SIGLEC6: variants seen among roughly 807,000 people sequenced by gnomAD.
The protein encoded by SIGLEC6 is sialic acid binding Ig like lectin 6.
In SIGLEC6, 31 loss-of-function variants were observed where a neutral mutation model predicts 41.4. The ratio of observed to expected loss-of-function variants is 0.75; its 90% CI spans 0.56 to 1.01. The LOEUF is 1.01. Among genes scored for constraint, SIGLEC6 ranks in the 50% least tolerant of loss-of-function variants. The pLI, the probability that SIGLEC6 is intolerant of heterozygous loss-of-function variation, is 0.00. For synonymous variants in SIGLEC6, 217 were observed against 231.0 expected (o/e 0.94, Z 0.55); for missense variants, 555 against 558.6 (o/e 0.99, Z 0.06).
rs767694090 is a variant in SIGLEC6 at position 51,520,141 on chromosome 19, G to C, written c.1303C>G (p.Gln435Glu). The C allele has an allele frequency of 3.7e-6, 6 of 1,603,784 alleles. No individual in the cohort carries two copies. Among genetic ancestry groups the C allele is most frequent in the Non-Finnish European group, 5.1e-6 (6 of 1,172,194 alleles). Reference protein sequence around the residue: ...HYAVLHFHKVQPQEPKVTDTE... With the variant: ...HYAVLHFHKVEPQEPKVTDTE... ...TCGGTGACCTTTGGTTCCTGAGGTT[G>C]CACCTTGTGGAAGTGTAGGACAGCG... The change falls in exon 8 of 8, where the codon CAA becomes GAA. Residue 435 changes from glutamine (Q) to glutamate (E), a missense_variant. By Grantham distance (29) the Gln-to-Glu change is conservative (BLOSUM62 2). Coordinates refer to ENST00000425629, the MANE Select transcript of SIGLEC6 (RefSeq NM_001245.7).
At chr19:51,527,642 C>A (rs769630126) in intron 7 of SIGLEC6, 105 bp downstream of exon 7, 3 of 872,940 alleles carry the variant, frequency 3.4e-6, no homozygotes, top group Non-Finnish European at 3.6e-6. Flanking sequence ...CATGTGGAAC[C>A]GCAGGGAATG....
intron 7 of SIGLEC6, among the ~76,000 whole-genome samples, chr19:51,521,175 G>A (rs996870745): frequency 2.6e-5 from 4 of 152,126 alleles, no homozygotes; most frequent in African/African-American, 9.7e-5. Flanking sequence ...TCTTTCTAAT[G>A]CCCCTGAAAA....
In SIGLEC6 at chr19:51,527,873, T is replaced by A. The variant is rs1271378329; in HGVS notation, c.1107-45A>T. ...CCTTTCAGCCTGGTTATTTGGAGCC[T>A]CTTTCCCCAAAAGAAAACCATCTCC... is the stretch of plus-strand genomic sequence containing the variant. On this transcript the variant is annotated intron_variant, in intron 6 of 7. Coordinates refer to ENST00000425629, the MANE Select transcript of SIGLEC6 (RefSeq NM_001245.7). 3 of 1,581,680 alleles carry A rather than the reference T, an allele frequency of 1.9e-6. No individual in the cohort carries two copies. The African/African-American group carries it at 4.1e-5, about 21-fold the overall frequency.
rs371192887 is a variant in SIGLEC6 at position 51,531,341 on chromosome 19, G to A, written c.246C>T (p.Asp82=). Reference sequence around the variant, plus strand: ...CCCGGGTCTCCTCCTGCACTTCTTCGTCTGGGTCGTTTGTGGCCACTGGAA... The same window carrying A: ...CCCGGGTCTCCTCCTGCACTTCTTCATCTGGGTCGTTTGTGGCCACTGGAA... ...ADVPVATNDP[D]EEVQEETRGR... Residue 82 remains aspartate, a synonymous_variant, in exon 2 of 8, where the codon GAC becomes GAT. Transcript: ENST00000425629. The A allele has an allele frequency of 1.2e-5, 20 of 1,613,996 alleles. No homozygotes were observed. Among genetic ancestry groups the A allele is most frequent in the East Asian group, 4.5e-5 (2 of 44,884 alleles).
Position 51,518,170 on chromosome 19 carries a change from C to T in SIGLEC6, c.*1912G>A, listed in dbSNP as rs1310464528. 6.6e-6 allele frequency among the ~76,000 whole-genome samples: 1 copy of T among 152,204 alleles called. No individual in the cohort carries two copies. Among genetic ancestry groups the T allele is most frequent in the East Asian group, 1.9e-4 (1 of 5,184 alleles). On this transcript the variant is annotated 3_prime_UTR_variant, in exon 8 of 8. Coordinates refer to ENST00000425629, the MANE Select transcript of SIGLEC6 (RefSeq NM_001245.7). ...CATATTTTGGTTTTCCTTAAAATAT[C>T]TATATTTCACTTTCAGTCTTAAAAT...
At chr19:51,524,180 T>G (rs1450848052) in intron 7 of SIGLEC6, among the ~76,000 whole-genome samples, 1 of 152,098 alleles carries the variant, frequency 6.6e-6, no homozygotes, top group Non-Finnish European at 1.5e-5. Context: ...AACACTCCAA[T>G]TAAAAGGAAG....
rs1990663485 is a variant in SIGLEC6, at chr19:51,518,154, G to A, written c.*1928C>T. ...TCTTTATTAACACTCACATATTTTG[G>A]TTTTCCTTAAAATATCTATATTTCA... On this transcript the variant is annotated 3_prime_UTR_variant, in exon 8 of 8. Coordinates refer to ENST00000425629, the MANE Select transcript of SIGLEC6 (RefSeq NM_001245.7). 6.6e-6 allele frequency among the ~76,000 whole-genome samples: 1 copy of A among 151,954 alleles called. No homozygotes were observed. The highest frequency in any genetic ancestry group is 6.6e-5 in the Admixed American group (1 of 15,246).
chr19:51,522,770 A>G (rs1978503146), intron 7 of SIGLEC6, among the ~76,000 whole-genome samples: 1 of 152,152 alleles, frequency 6.6e-6, no homozygotes, highest in African/African-American at 2.4e-5. Flanking sequence ...CACCCTGGGC[A>G]AAAGAGTGAA....
At chr19:51,527,949 T>G (rs961508603) in intron 6 of SIGLEC6, 121 bp from the exon 7 acceptor site, 6 of 1,051,880 alleles carry the variant, frequency 5.7e-6, no homozygotes, top group Non-Finnish European at 8.5e-6. Flanking sequence ...GGTGCTCACA[T>G]GAGCCCAAGA....
intron 7 of SIGLEC6, among the ~76,000 whole-genome samples, chr19:51,525,679 C>T (rs1020478114): frequency 6.6e-5 from 10 of 152,334 alleles, no homozygotes; most frequent in African/African-American, 2.4e-4. Flanking sequence ...ACCTCCAACA[C>T]ACTACAAGCA....
intron 7 of SIGLEC6, among the ~76,000 whole-genome samples, chr19:51,522,499 C>T (rs532128559): frequency 6.6e-6 from 1 of 152,212 alleles, no homozygotes; most frequent in African/African-American, 2.4e-5. Context: ...TATTCAAAGA[C>T]TTAGGCCAGG....
chr19:51,519,848 C>A lies in SIGLEC6; in HGVS notation c.*234G>T. ...ACACAAACACACTCAGAGGAAAGACCATGTGAAGACACAAGGAGGAGACAG... is the reference window on the plus strand; with the variant it reads ...ACACAAACACACTCAGAGGAAAGACAATGTGAAGACACAAGGAGGAGACAG... On this transcript the variant is annotated 3_prime_UTR_variant, in exon 8 of 8. Coordinates refer to ENST00000425629, the MANE Select transcript of SIGLEC6 (RefSeq NM_001245.7). The A allele has an allele frequency of 3.5e-6, 1 of 286,014 alleles. No individual in the cohort carries two copies. Among genetic ancestry groups the A allele is most frequent in the Non-Finnish European group, 6.5e-6 (1 of 153,348 alleles). The allele number at this position is 286,014 out of a possible 1,614,324, so 17.7% of individuals were successfully genotyped here. A position where few individuals can be genotyped will look rare whatever the true frequency, so the allele number is the denominator to read the frequency against.
rs1197005008 is a variant in SIGLEC6 at position 51,519,091 on chromosome 19, C to G, written c.*991G>C. Among the ~76,000 whole-genome samples the G allele has an allele frequency of 1.3e-5, 2 of 151,944 alleles. No individual in the cohort carries two copies. The highest frequency in any genetic ancestry group is 2.4e-5 in the African/African-American group (1 of 41,334). On this transcript the variant is annotated 3_prime_UTR_variant, in exon 8 of 8. Coordinates refer to ENST00000425629, the MANE Select transcript of SIGLEC6 (RefSeq NM_001245.7). Reference sequence around the variant, plus strand: ...AGGGCAGATCACGAGGTCAGGAGATCAAGACCATCCTGGCTAACACGGTGA... The same window carrying G: ...AGGGCAGATCACGAGGTCAGGAGATGAAGACCATCCTGGCTAACACGGTGA...
In SIGLEC6 at chr19:51,529,810, A is replaced by G; in HGVS notation, c.926T>C (p.Val309Ala). The change falls in exon 5 of 8, where the codon GTA (valine) becomes GCA (alanine). Residue 309 changes from valine to alanine, a missense_variant. Coordinates refer to ENST00000425629, the MANE Select transcript of SIGLEC6 (RefSeq NM_001245.7). ...SNTGVLELPQ[V>A]GSAEEGDFTC... ...GAAATCTCCTTCTTCTGCAGACCCT[A>G]CTTGAGGCAGCTCCAGGACCCCGGT... 2 of 1,614,064 alleles carry G rather than the reference A, an allele frequency of 1.2e-6. No homozygotes were observed. The highest frequency in any genetic ancestry group is 8.5e-7 in the Non-Finnish European group (1 of 1,180,004).
Position 51,520,271 on chromosome 19 carries a change from GA to G in SIGLEC6, c.1189-17del. The G allele has an allele frequency of 1.9e-6, 3 of 1,539,954 alleles. No individual in the cohort carries two copies. In the South Asian group the frequency reaches 3.7e-5, roughly 19 times the overall value. ...GCTGATGACCCTTAATGGAAGAAAA[GA>G]AAAGATTCAGGGCTGGACAATAGGT... On this transcript the variant is annotated splice_polypyrimidine_tract_variant and intron_variant, in intron 7 of 7. Coordinates refer to ENST00000425629, the MANE Select transcript of SIGLEC6 (RefSeq NM_001245.7).
At chr19:51,527,234 A>T (rs1437812759) in intron 7 of SIGLEC6, among the ~76,000 whole-genome samples, 1 of 152,174 alleles carries the variant, frequency 6.6e-6, no homozygotes, top group African/African-American at 2.4e-5. Flanking sequence ...TTCCCAAGAC[A>T]CGCAGTCATC....
At position 51,518,620 on chromosome 19, in the gene SIGLEC6, G is replaced by T. The variant is rs893811859; in HGVS notation, c.*1462C>A. Among the ~76,000 whole-genome samples, 2 of 152,200 alleles carry T rather than the reference G, an allele frequency of 1.3e-5. No homozygotes were observed. Among genetic ancestry groups the T allele is most frequent in the South Asian group, 2.1e-4 (1 of 4,836 alleles). ...CTCCCAAAGTGCTGGGATTACAGGC[G>T]TGAGCCACTGCTAACTGTGGTCTTT... On this transcript the variant is annotated 3_prime_UTR_variant, in exon 8 of 8. Transcript: ENST00000425629.
intron 7 of SIGLEC6, 34 bp from the exon 8 acceptor site, chr19:51,520,289 A>T: frequency 6.8e-7 from 1 of 1,479,608 alleles, no homozygotes; most frequent in Non-Finnish European, 9.1e-7. Flanking sequence ...TCAGGGCTGG[A>T]CAATAGGTTC....
chr19:51,531,172 C>G lies in SIGLEC6; in HGVS notation c.415G>C (p.Val139Leu), dbSNP rs1568558019. The G allele has an allele frequency of 6.3e-7, 1 of 1,587,492 alleles. No homozygotes were observed. Among genetic ancestry groups the G allele is most frequent in the Non-Finnish European group, 8.6e-7 (1 of 1,165,176 alleles). Residue 139 changes from valine to leucine, a missense_variant, in exon 2 of 8, where the codon GTG becomes CTG. Transcript: ENST00000425629. ...KYGYTSSKLSVRVMALTHRPN... is the reference protein window; with the variant it reads ...KYGYTSSKLSLRVMALTHRPN... ...GCTGGTTCCTTACCCATCACACGCA[C>G]AGAGAGCTTGGAAGATGTATAACCG...
Sources: allele counts gnomAD v4.1 joint callset (sites outside exome capture counted in the v4.1 genomes callset), GRCh38; gene constraint gnomAD v4.1.1; transcripts MANE v1.5; gene names NCBI Gene and HGNC (gene_info 2026-07-23, HGNC 2026-07-21).